The following PIEZO1 variants were observed in gnomAD, a reference collection of about 807,000 sequenced individuals.
PIEZO1 encodes the protein piezo-type mechanosensitive ion channel component 1.
In PIEZO1, 296 loss-of-function variants were observed where a neutral mutation model predicts 297.2. The ratio of observed to expected loss-of-function variants is 1.00; its 90% CI spans 0.91 to 1.10. PIEZO1 has a LOEUF of 1.10. Among genes scored for constraint, PIEZO1 ranks in the 50% least tolerant of loss-of-function variants. The pLI, the probability that PIEZO1 is intolerant of heterozygous loss-of-function variation, is 0.00. For synonymous variants in PIEZO1, 2,427 were observed against 1,507.5 expected (o/e 1.61, Z -14.13); for missense variants, 5,018 against 3,455.5 (o/e 1.45, Z -11.34).
rs917600620 is a variant in PIEZO1, at chr16:88,732,479, C to T, written c.2847G>A (p.Gln949=). The change falls in exon 21 of 51, where the codon CAG becomes CAA. Residue 949 remains glutamine, a synonymous_variant. Coordinates refer to ENST00000301015, the MANE Select transcript of PIEZO1 (RefSeq NM_001142864.4). ...LVFEAIVYRR[Q]EHYRRQHQLA... ...GCTGGTGCTGCCGGCGGTAGTGCTCCTGGCGCCGGTACACGATGGCCTCGA... is the reference window on the plus strand; with the variant it reads ...GCTGGTGCTGCCGGCGGTAGTGCTCTTGGCGCCGGTACACGATGGCCTCGA... 6.5e-7 allele frequency: 1 copy of T among 1,549,154 alleles called. No homozygotes were observed. The highest frequency in any genetic ancestry group is 8.7e-7 in the Non-Finnish European group (1 of 1,146,240).
At chr16:88,769,603 T>C (rs1207523207) in intron 1 of PIEZO1, among the ~76,000 whole-genome samples, 1 of 152,184 alleles carries the variant, frequency 6.6e-6, no homozygotes, top group Non-Finnish European at 1.5e-5. Context: ...GCCGGCTCCA[T>C]TCCTGAGGGT....
In PIEZO1 at chr16:88,750,450, G is replaced by C. The variant is rs149596286; in HGVS notation, c.65-971C>G. Among the ~76,000 whole-genome samples the C allele has an allele frequency of 4.3e-3, 651 of 152,360 alleles. 7 individuals are homozygous for C. The highest frequency in any genetic ancestry group is 0.014 in the African/African-American group (597 of 41,570). ...CGCGCCTTCAGCCCAAATGCTCTGC[G>C]TGGCCGCACTCGCCACAGCCCCCAC... On this transcript the variant is annotated intron_variant, in intron 1 of 50. Transcript: ENST00000301015.
At position 88,719,830 on chromosome 16, in the gene PIEZO1, T is replaced by A; in HGVS notation, c.6295A>T (p.Asn2099Tyr). ...ILGNFLTKKY[N>Y]HLNLFLFQGF... Reference sequence around the variant, plus strand: ...TGGAAGAGGAAGAGGTTGAGATGATTGTACTTCTTGGTGAGGAAGTTGCCG... The same window carrying A: ...TGGAAGAGGAAGAGGTTGAGATGATAGTACTTCTTGGTGAGGAAGTTGCCG... The change falls in exon 43 of 51, where the codon AAT becomes TAT. Residue 2099 changes from asparagine to tyrosine, a missense_variant. By Grantham distance (143) the Asn-to-Tyr change is moderately radical (BLOSUM62 -2). Transcript: ENST00000301015. 6.4e-7 allele frequency: 1 copy of A among 1,550,552 alleles called. No homozygotes were observed. The highest frequency in any genetic ancestry group is 1.2e-5 in the South Asian group (1 of 84,062).
intron 1 of PIEZO1, among the ~76,000 whole-genome samples, chr16:88,782,048 A>G (rs1907961021): frequency 6.6e-6 from 1 of 152,252 alleles, no homozygotes. Flanking sequence ...AGCCCTGTCT[A>G]GATTTCCCAC....
Position 88,738,835 on chromosome 16 carries a change from T to G in PIEZO1, c.466-99A>C, listed in dbSNP as rs898079360. The G allele has an allele frequency of 8.3e-6, 9 of 1,083,742 alleles. No individual in the cohort carries two copies. The South Asian group carries it at 9.2e-5, about 11-fold the overall frequency. The allele number at this position is 1,083,742 out of a possible 1,614,324, so 67.1% of individuals were successfully genotyped here. ...GCCAGGAGCGTGGGAGGCGGCCACATCCACAGCTGCTCCTCTGAGGGCCAC... is the reference window on the plus strand; with the variant it reads ...GCCAGGAGCGTGGGAGGCGGCCACAGCCACAGCTGCTCCTCTGAGGGCCAC... On this transcript the variant is annotated intron_variant, in intron 5 of 50. Coordinates refer to ENST00000301015, the MANE Select transcript of PIEZO1 (RefSeq NM_001142864.4).
At chr16:88,741,950 G>C in intron 4 of PIEZO1, 103 bp downstream of exon 4, 1 of 1,292,104 alleles carries the variant, frequency 7.7e-7, no homozygotes. Flanking sequence ...GAGTGTGGAT[G>C]AGTCTCCAGG....
At chr16:88,747,884 G>C (rs1274184784) in intron 2 of PIEZO1, among the ~76,000 whole-genome samples, 1 of 152,208 alleles carries the variant, frequency 6.6e-6, no homozygotes, top group Non-Finnish European at 1.5e-5. Flanking sequence ...TCTGGAGATG[G>C]AGGGAGGGGC....
Position 88,725,537 on chromosome 16 carries a change from G to C in PIEZO1, c.4059-18C>G. 1.3e-6 allele frequency: 2 copies of C among 1,536,444 alleles called. No individual in the cohort carries two copies. Among genetic ancestry groups the C allele is most frequent in the Admixed American group, 4.0e-5 (2 of 50,332 alleles). ...GCTCCATCCTGTGGTGGGGAAAGGT[G>C]GGGTATGCTGAGCATTGGGGGGAGG... On this transcript the variant is annotated intron_variant, in intron 28 of 50. Transcript: ENST00000301015.
rs932143449 is a variant in PIEZO1 at position 88,733,315 on chromosome 16, A to G, written c.2627T>C (p.Val876Ala). Reference protein sequence around the residue: ...IVCKMLYQLKVVNPQEYSSNC... With the variant: ...IVCKMLYQLKAVNPQEYSSNC... The stretch of plus-strand genomic sequence containing the variant: ...GCTGGAATACTCCTGGGGGTTGACA[A>G]CCTTGAGCTGGTACAGCATCTTACA... Residue 876 changes from valine to alanine, a missense_variant, in exon 19 of 51, where the codon GTT (valine) becomes GCT (alanine). Transcript: ENST00000301015. 2 of 1,549,270 alleles carry G rather than the reference A, an allele frequency of 1.3e-6. No homozygotes were observed. Among genetic ancestry groups the G allele is most frequent in the African/African-American group, 2.7e-5 (2 of 73,024 alleles).
At position 88,716,217 on chromosome 16, in the gene PIEZO1, A is replaced by G; in HGVS notation, c.7110T>C (p.Pro2370=). The G allele has an allele frequency of 6.7e-7, 1 of 1,498,692 alleles. No homozygotes were observed. The highest frequency in any genetic ancestry group is 8.9e-7 in the Non-Finnish European group (1 of 1,118,484). The allele number at this position is 1,498,692 out of a possible 1,614,324, so 92.8% of individuals were successfully genotyped here. The change falls in exon 49 of 51, where the codon CCT becomes CCC. Residue 2370 remains proline, a synonymous_variant. Transcript: ENST00000301015. ...IRAPNGPEAN[P]VKQLQPNEEA... is the part of the protein sequence containing the mutation. ...ACTCACTGGGCTGCAGCTGCTTCAC[A>G]GGGTTGGCTTCGGGCCCGTTGGGGG...
intron 1 of PIEZO1, among the ~76,000 whole-genome samples, chr16:88,777,313 A>T (rs1907710775): frequency 6.6e-6 from 1 of 152,230 alleles, no homozygotes; most frequent in Non-Finnish European, 1.5e-5. Context: ...GCACCCACCA[A>T]GGAGGGAGAA....
chr16:88,731,681 C>T (rs1597454380), intron 22 of PIEZO1, 25 bp downstream of exon 22: 1 of 1,541,116 alleles, frequency 6.5e-7, no homozygotes, highest in Non-Finnish European at 8.8e-7. Flanking sequence ...AAAGCCCACT[C>T]CCACCCAAGC....
chr16:88,715,892 G>A (rs761135432), intron 50 of PIEZO1, 38 bp from the exon 51 acceptor site: 2 of 1,540,260 alleles, frequency 1.3e-6, no homozygotes, highest in Admixed American at 2.0e-5. Flanking sequence ...GCCGCCCGGA[G>A]CCCCCCGAGC....
In PIEZO1 at chr16:88,738,391, C is replaced by T. The variant is rs984952659; in HGVS notation, c.684G>A (p.Leu228=). ...GGCAGGCCCACCAGGTGCAGAGGGC[C>T]AGGAAGAGCAGCAGGTAGACACTGG... ...ALSSVYLLLF[L]ALCTWWACHF... The change falls in exon 7 of 51, where the codon CTG becomes CTA. Residue 228 remains leucine, a synonymous_variant. Transcript: ENST00000301015. 3.9e-6 allele frequency: 6 copies of T among 1,535,714 alleles called. No homozygotes were observed. The highest frequency in any genetic ancestry group is 2.0e-5 in the Admixed American group (1 of 50,986).
intron 1 of PIEZO1, among the ~76,000 whole-genome samples, chr16:88,754,393 C>G (rs952463711): frequency 1.3e-5 from 2 of 152,252 alleles, no homozygotes; most frequent in African/African-American, 4.8e-5. Context: ...CCCACTCCCA[C>G]TGGCACATAG....
intron 10 of PIEZO1, chr16:88,737,332 C>T (rs1440783518): frequency 9.7e-6 from 5 of 515,494 alleles, no homozygotes; most frequent in Non-Finnish European, 1.7e-5. Flanking sequence ...CGCGGCCACT[C>T]AGCTGCCCTG....
chr16:88,776,179 C>T (rs1184665856), intron 1 of PIEZO1, among the ~76,000 whole-genome samples: 2 of 152,230 alleles, frequency 1.3e-5, no homozygotes, highest in Non-Finnish European at 2.9e-5. Flanking sequence ...TCACGCCTGT[C>T]ATCCCAGCAT....
intron 22 of PIEZO1, among the ~76,000 whole-genome samples, chr16:88,730,175 C>A (rs552885403): frequency 6.6e-6 from 1 of 152,252 alleles, no homozygotes; most frequent in Non-Finnish European, 1.5e-5. Flanking sequence ...GCACACCCAG[C>A]GCCCAGACCC....
chr16:88,731,647 C>T (rs1368322193), intron 22 of PIEZO1, 59 bp downstream of exon 22: 2 of 1,375,514 alleles, frequency 1.5e-6, no homozygotes, highest in African/African-American at 1.4e-5. Flanking sequence ...CGGGAAACAC[C>T]CCCACGGGCA....
Sources: allele counts gnomAD v4.1 joint callset (sites outside exome capture counted in the v4.1 genomes callset), GRCh38; gene constraint gnomAD v4.1.1; transcripts MANE v1.5; gene names NCBI Gene and HGNC (gene_info 2026-07-23, HGNC 2026-07-21).